The following AXL variants were observed in gnomAD, a reference collection of about 807,000 sequenced individuals.
AXL encodes tyrosine-protein kinase receptor UFO.
Under a neutral mutation model 104.5 loss-of-function variants are expected in AXL, and 52 were observed. That is an observed-to-expected ratio of 0.50 (90% CI 0.40 to 0.63). AXL has a LOEUF of 0.63. AXL is among the 20% of genes least tolerant of loss of function. The pLI, the probability that AXL is intolerant of heterozygous loss-of-function variation, is 0.00. For synonymous variants in AXL, 455 were observed against 473.7 expected (o/e 0.96, Z 0.51); for missense variants, 1,024 against 1,188.5 (o/e 0.86, Z 2.04).
At chr19:41,246,306 G>C (rs907824794) in intron 12 of AXL, among the ~76,000 whole-genome samples, 1 of 152,008 alleles carries the variant, frequency 6.6e-6, no homozygotes, top group Non-Finnish European at 1.5e-5. Context: ...AATTAGCTGG[G>C]TGTGGTGGTG....
intron 12 of AXL, chr19:41,243,982 G>C (rs564331404): frequency 2.0e-4 from 68 of 332,082 alleles, no homozygotes; most frequent in African/African-American, 1.4e-3. Flanking sequence ...GAGGTGGGAG[G>C]ATCACTTGAG....
intron 4 of AXL, among the ~76,000 whole-genome samples, chr19:41,226,394 C>T (rs980017499): frequency 2.0e-5 from 3 of 152,206 alleles, no homozygotes; most frequent in Non-Finnish European, 4.4e-5. Context: ...GTTTCTCCTC[C>T]GGGCGGCGCG....
chr19:41,243,411 T>G (rs995500708), intron 11 of AXL, among the ~76,000 whole-genome samples: 2 of 151,362 alleles, frequency 1.3e-5, no homozygotes, highest in African/African-American at 4.9e-5. Flanking sequence ...CAGAGTGAGA[T>G]CCTGTTTTCA....
chr19:41,221,106 C>G lies in AXL; in HGVS notation c.309-40C>G, dbSNP rs370114405. 5.3e-5 allele frequency: 84 copies of G among 1,586,432 alleles called. 1 individual carries two copies. The African/African-American group carries it at 7.8e-4, about 15-fold the overall frequency. On this transcript the variant is annotated intron_variant, in intron 2 of 19. Transcript: ENST00000301178. ...ACAGACCCCCTCCCAGTGTCCAGCT[C>G]TGACCCTGAACCTCTCTGTCTCTCC... is the stretch of plus-strand genomic sequence containing the variant.
intron 19 of AXL, among the ~76,000 whole-genome samples, chr19:41,258,133 C>T (rs1452316569): frequency 2.6e-5 from 4 of 152,204 alleles, no homozygotes; most frequent in East Asian, 1.9e-4. Flanking sequence ...TTGGAGTATG[C>T]GGAGAAGGCC....
In AXL at chr19:41,227,632, C is replaced by T. The variant is rs894329873; in HGVS notation, c.587-3335C>T. 5.3e-5 allele frequency among the ~76,000 whole-genome samples: 8 copies of T among 151,990 alleles called. No homozygotes were observed. The South Asian group carries it at 8.3e-4, about 16-fold the overall frequency. On this transcript the variant is annotated intron_variant, in intron 4 of 19. Transcript: ENST00000301178. ...TCCCGAGTAGCTGGGATTACAGGCACGCGCCACCATGCCCGGCTGATTTTT... is the reference window on the plus strand; with the variant it reads ...TCCCGAGTAGCTGGGATTACAGGCATGCGCCACCATGCCCGGCTGATTTTT...
At chr19:41,221,283 G>T in intron 3 of AXL, 37 bp downstream of exon 3, 2 of 1,579,950 alleles carry the variant, frequency 1.3e-6, no homozygotes, top group South Asian at 2.3e-5. Context: ...GGGGTCAGAG[G>T]ACATGTGGCG....
chr19:41,243,444 G>T (rs1007758680), intron 11 of AXL, among the ~76,000 whole-genome samples, 172 bp from the exon 12 acceptor site: 2 of 152,056 alleles, frequency 1.3e-5, no homozygotes, highest in African/African-American at 4.8e-5. Context: ...AGGGCAAGGG[G>T]GTGTGTGGAA....
chr19:41,252,765 G>C (rs1231249889), intron 15 of AXL, 81 bp from the exon 16 acceptor site: 1 of 1,594,982 alleles, frequency 6.3e-7, no homozygotes, highest in Non-Finnish European at 8.5e-7. Flanking sequence ...TAGTGAGAAG[G>C]AGAGGCTGGA....
intron 10 of AXL, among the ~76,000 whole-genome samples, chr19:41,242,097 C>A (rs1353158616): frequency 6.6e-6 from 1 of 152,034 alleles, no homozygotes; most frequent in African/African-American, 2.4e-5. Flanking sequence ...GCCCTCTTGG[C>A]ACACTCATAA....
chr19:41,226,030 G>T (rs1044217710), intron 4 of AXL, among the ~76,000 whole-genome samples: 1 of 152,224 alleles, frequency 6.6e-6, no homozygotes, highest in Admixed American at 6.5e-5. Flanking sequence ...TGCTCCTGTC[G>T]TCTTGCGGTA....
chr19:41,223,732 TA>T (rs1192156867), intron 4 of AXL, among the ~76,000 whole-genome samples: 8 of 151,576 alleles, frequency 5.3e-5, no homozygotes, highest in Admixed American at 5.3e-4. Flanking sequence ...AGTGGCTGAG[TA>T]GGGACCAGGG....
intron 4 of AXL, among the ~76,000 whole-genome samples, chr19:41,222,322 C>G (rs2033806055): frequency 6.6e-6 from 1 of 152,146 alleles, no homozygotes; most frequent in African/African-American, 2.4e-5. Flanking sequence ...CTCTCTGTCT[C>G]TCTGCTTCTC....
intron 4 of AXL, among the ~76,000 whole-genome samples, chr19:41,223,594 G>T (rs187779655): frequency 4.1e-4 from 63 of 152,272 alleles, no homozygotes; most frequent in Middle Eastern, 3.4e-3. Flanking sequence ...ATGAGGAGGG[G>T]CCTTCTGACT....
chr19:41,253,368 G>C (rs1226176601), intron 16 of AXL, among the ~76,000 whole-genome samples: 1 of 152,124 alleles, frequency 6.6e-6, no homozygotes, highest in African/African-American at 2.4e-5. Flanking sequence ...AGACCAGACA[G>C]GAGTCTGGTG....
chr19:41,236,973 C>T (rs963556541), intron 6 of AXL, among the ~76,000 whole-genome samples: 31 of 151,728 alleles, frequency 2.0e-4, no homozygotes, highest in Admixed American at 1.1e-3. Flanking sequence ...CATCAGCTAT[C>T]GTTAGTGTTA....
rs770407415 is a variant in AXL at position 41,222,038 on chromosome 19, C to T, written c.568C>T (p.Arg190Cys). The T allele has an allele frequency of 2.0e-5, 31 of 1,583,008 alleles. No homozygotes were observed. Among genetic ancestry groups the T allele is most frequent in the African/African-American group, 5.4e-5 (4 of 74,022 alleles). Residue 190 changes from arginine (R) to cysteine (C), a missense_variant, in exon 4 of 20, where the codon CGC (arginine) becomes TGC (cysteine). By Grantham distance (180) the Arg-to-Cys change is radical. Around this residue, in one of 5 missense-constraint regions of AXL, gnomAD observed 332 missense variants for 343.9 expected, o/e 0.97. Coordinates refer to ENST00000301178, the MANE Select transcript of AXL (RefSeq NM_021913.5). ...LATAPGHGPQ[R>C]SLHVPGLNKT... ...CACGGCTCCAGGTCACGGCCCCCAGCGCAGCCTGCATGTTCCAGGTGAGTC... is the reference window on the plus strand; with the variant it reads ...CACGGCTCCAGGTCACGGCCCCCAGTGCAGCCTGCATGTTCCAGGTGAGTC...
intron 6 of AXL, among the ~76,000 whole-genome samples, chr19:41,235,963 G>A (rs140903477): frequency 0.013 from 1,925 of 151,858 alleles, 16 homozygotes; most frequent in Non-Finnish European, 0.018. Flanking sequence ...TTGGGAGGCC[G>A]AGGCAGGTGG....
intron 6 of AXL, 131 bp downstream of exon 6, chr19:41,231,429 GCCA>G: frequency 2.4e-6 from 2 of 842,332 alleles, no homozygotes; most frequent in Non-Finnish European, 3.6e-6. Flanking sequence ...GGGGGGTTAA[GCCA>G]GATGTCCTGG....
Sources: gnomAD v4.1 joint callset for allele counts (sites outside exome capture counted in the v4.1 genomes callset) on GRCh38, gnomAD v4.1.1 for gene constraint, gnomAD v4.1.1 regional missense constraint, MANE v1.5 for transcripts, NCBI Gene and HGNC (gene_info 2026-07-23, HGNC 2026-07-21) for gene names.